The following ULK4 variants were observed in gnomAD, a reference collection of about 807,000 sequenced individuals.
ULK4 encodes the protein unc-51 like kinase 4, also known as inactive serine/threonine-protein kinase ULK4.
Under a neutral mutation model 160.6 loss-of-function variants are expected in ULK4, and 133 were observed. That is an observed-to-expected ratio of 0.83 (90% CI 0.72 to 0.96). The LOEUF is 0.96. Among genes scored for constraint, ULK4 ranks in the 40% least tolerant of loss-of-function variants. The pLI, the probability that ULK4 is intolerant of heterozygous loss-of-function variation, is 0.00. For synonymous variants in ULK4, 534 were observed against 539.8 expected (o/e 0.99, Z 0.15); for missense variants, 1,580 against 1,499.5 (o/e 1.05, Z -0.89).
At chr3:41,524,985 G>A (rs975778199) in intron 32 of ULK4, among the ~76,000 whole-genome samples, 2 of 152,014 alleles carry the variant, frequency 1.3e-5, no homozygotes, top group Non-Finnish European at 2.9e-5. Flanking sequence ...AAAGGAAGAG[G>A]AGCTAAGTCT....
chr3:41,902,232 A>C (rs17218103), intron 12 of ULK4, among the ~76,000 whole-genome samples: 1 of 152,134 alleles, frequency 6.6e-6, no homozygotes, highest in Non-Finnish European at 1.5e-5. Flanking sequence ...GAGTTAGCTA[A>C]GAAAGTTCCT....
chr3:41,621,512 GA>G, intron 30 of ULK4, among the ~76,000 whole-genome samples: 1 of 152,266 alleles, frequency 6.6e-6, no homozygotes, highest in East Asian at 1.9e-4. Flanking sequence ...CAAAAATGGG[GA>G]AAGGATTCCC....
At chr3:41,507,421 A>T (rs938990183) in intron 32 of ULK4, among the ~76,000 whole-genome samples, 7 of 151,932 alleles carry the variant, frequency 4.6e-5, no homozygotes, top group Admixed American at 3.9e-4. Context: ...ACAAGAGAAA[A>T]TTAAAATTCT....
At chr3:41,821,819 C>A (rs1380216233) in intron 18 of ULK4, among the ~76,000 whole-genome samples, 2 of 152,108 alleles carry the variant, frequency 1.3e-5, no homozygotes, top group Non-Finnish European at 2.9e-5. Flanking sequence ...ACTTCTATCT[C>A]CCTCATAACA....
chr3:41,508,285 T>A (rs1411980766), intron 32 of ULK4, among the ~76,000 whole-genome samples: 1 of 152,076 alleles, frequency 6.6e-6, no homozygotes, highest in African/African-American at 2.4e-5. Context: ...CAGCAAGCCC[T>A]GCCCAAGGAG....
intron 35 of ULK4, among the ~76,000 whole-genome samples, chr3:41,353,114 G>A (rs938117249): frequency 6.6e-6 from 1 of 152,128 alleles, no homozygotes; most frequent in African/African-American, 2.4e-5. Flanking sequence ...CCTGTTCCAG[G>A]ATACTGTCTC....
chr3:41,898,612 T>C (rs1698248393), intron 13 of ULK4, 120 bp from the exon 14 acceptor site: 1 of 608,258 alleles, frequency 1.6e-6, no homozygotes, highest in Non-Finnish European at 2.9e-6. Context: ...GTGCAAAATT[T>C]GTTACCAAAA....
chr3:41,692,926 TTCTCAATGGTATG>T (rs2036359322), intron 27 of ULK4, among the ~76,000 whole-genome samples: 1 of 152,190 alleles, frequency 6.6e-6, no homozygotes, highest in African/African-American at 2.4e-5. Flanking sequence ...ATGTTAATGA[TTCTCAATGGTATG>T]TCCCAAATGA....
At chr3:41,678,839 T>C (rs1040032711) in intron 29 of ULK4, among the ~76,000 whole-genome samples, 1 of 152,162 alleles carries the variant, frequency 6.6e-6, no homozygotes, top group African/African-American at 2.4e-5. Context: ...ATTTGCCAAA[T>C]TGAAGTGGGT....
chr3:41,305,310 C>T (rs972615573), intron 35 of ULK4, among the ~76,000 whole-genome samples: 3 of 152,204 alleles, frequency 2.0e-5, no homozygotes, highest in Admixed American at 6.5e-5. Flanking sequence ...GCTGCCATCT[C>T]GGCTCACTGC....
chr3:41,555,370 T>C (rs960390991), intron 32 of ULK4, among the ~76,000 whole-genome samples: 1 of 146,982 alleles, frequency 6.8e-6, no homozygotes, highest in South Asian at 2.1e-4. Context: ...GCAAAGGACA[T>C]GAACAGATAC....
chr3:41,436,230 G>A (rs2083035286), intron 34 of ULK4, among the ~76,000 whole-genome samples: 1 of 152,154 alleles, frequency 6.6e-6, no homozygotes, highest in African/African-American at 2.4e-5. Flanking sequence ...GCACATATAA[G>A]GTAGGCGAGG....
intron 32 of ULK4, among the ~76,000 whole-genome samples, chr3:41,479,208 TCTC>T (rs1416345602): frequency 6.6e-6 from 1 of 152,212 alleles, no homozygotes; most frequent in Admixed American, 6.5e-5. Context: ...CTTCAGCCCT[TCTC>T]CTTTTTCCTC....
intron 27 of ULK4, among the ~76,000 whole-genome samples, chr3:41,696,089 G>GCGGAA (rs1420412098): frequency 2.6e-5 from 4 of 152,136 alleles, no homozygotes; most frequent in Non-Finnish European, 4.4e-5. Context: ...CCACTACTTA[G>GCGGAA]CGGAACGGGA....
At chr3:41,683,601 G>A (rs894803073) in intron 27 of ULK4, among the ~76,000 whole-genome samples, 2 of 151,388 alleles carry the variant, frequency 1.3e-5, no homozygotes, top group Non-Finnish European at 2.9e-5. Flanking sequence ...TCTTCTATTT[G>A]TTGGGTCTTT....
At chr3:41,484,531 C>T (rs964833504) in intron 32 of ULK4, among the ~76,000 whole-genome samples, 7 of 146,758 alleles carry the variant, frequency 4.8e-5, no homozygotes, top group Admixed American at 1.4e-4. Flanking sequence ...CGGCTCACTG[C>T]AAGCTCCGCC....
intron 21 of ULK4, among the ~76,000 whole-genome samples, chr3:41,773,645 C>A (rs571356505): frequency 6.6e-6 from 1 of 152,096 alleles, no homozygotes; most frequent in Non-Finnish European, 1.5e-5. Context: ...GGCCATACTG[C>A]CCAAGGTAAT....
intron 22 of ULK4, among the ~76,000 whole-genome samples, chr3:41,739,837 T>C (rs545750058): frequency 6.6e-6 from 1 of 152,020 alleles, no homozygotes; most frequent in South Asian, 2.1e-4. Context: ...AAAAGGAATG[T>C]TCCTCATAAC....
At chr3:41,945,883 C>T (rs1188369886) in intron 2 of ULK4, among the ~76,000 whole-genome samples, 1 of 152,172 alleles carries the variant, frequency 6.6e-6, no homozygotes, top group Non-Finnish European at 1.5e-5. Context: ...TTCTCTTTCA[C>T]ACCTCATACC....
Sources: gnomAD v4.1 joint callset for allele counts (sites outside exome capture counted in the v4.1 genomes callset) on GRCh38, gnomAD v4.1.1 for gene constraint, MANE v1.5 for transcripts, NCBI Gene and HGNC (gene_info 2026-07-23, HGNC 2026-07-21) for gene names.